IAPP: variants seen among roughly 807,000 people sequenced by gnomAD.
The protein encoded by IAPP is Islet amyloid polypeptide (diabetes-associated peptide; amylin).
A neutral mutation model predicts 2.9 loss-of-function variants in IAPP; 4 were observed. The ratio of observed to expected loss-of-function variants is 1.39; its 90% CI spans 0.69 to 3.19. The LOEUF is 3.19. Ranked by LOEUF, IAPP falls within the 30% of genes most tolerant of loss-of-function variation. The pLI is 0.01. For missense variants in IAPP, 114 were observed against 105.3 expected, an observed-to-expected ratio of 1.08 and a Z score of -0.36; for synonymous variants, 40 against 42.1, an observed-to-expected ratio of 0.95 and a Z score of 0.19.
At position 21,379,109 on chromosome 12, in the gene IAPP, C is replaced by T. The variant is rs1940421456; in HGVS notation, c.*683C>T. On this transcript the variant is annotated 3_prime_UTR_variant, in exon 3 of 3. Coordinates refer to ENST00000240652, the MANE Select transcript of IAPP (RefSeq NM_000415.3). Reference sequence around the variant, plus strand: ...AAGAAAATTAGTAATTGTAAGTACCCCTGATAAGCAAATTAGTAATTGTCA... The same window carrying T: ...AAGAAAATTAGTAATTGTAAGTACCTCTGATAAGCAAATTAGTAATTGTCA... 1 of 152,062 alleles carries T rather than the reference C, an allele frequency of 6.6e-6. No individual in the cohort carries two copies. The highest frequency in any genetic ancestry group is 1.5e-5 in the Non-Finnish European group (1 of 68,010). 9.4% of individuals were successfully genotyped at this position (152,062 alleles called of 1,614,324 possible).
chr12:21,362,780 T>C (rs536063163), intron 1 of IAPP, among the ~76,000 whole-genome samples: 4 of 151,998 alleles, frequency 2.6e-5, no homozygotes, highest in South Asian at 4.2e-4. Context: ...TTTAAACCAA[T>C]AAAGATCAAA....
At chr12:21,364,651 A>T (rs1242437456) in intron 1 of IAPP, among the ~76,000 whole-genome samples, 1 of 152,092 alleles carries the variant, frequency 6.6e-6, no homozygotes, top group Non-Finnish European at 1.5e-5. Flanking sequence ...GAAAACCCCA[A>T]CATCTCAGCC....
intron 1 of IAPP, among the ~76,000 whole-genome samples, chr12:21,367,798 A>T (rs756275354): frequency 2.0e-5 from 3 of 152,118 alleles, no homozygotes; most frequent in Non-Finnish European, 4.4e-5. Flanking sequence ...AACATGGGAT[A>T]ATTTTAATAT....
chr12:21,372,609 C>T (rs1939879870), upstream of IAPP, among the ~76,000 whole-genome samples: 1 of 152,166 alleles, frequency 6.6e-6, no homozygotes, highest in African/African-American at 2.4e-5. Context: ...CTATCAGTTC[C>T]TTACCATAAC....
chr12:21,376,637 T>C (rs537514283), intron 2 of IAPP, among the ~76,000 whole-genome samples: 83 of 151,960 alleles, frequency 5.5e-4, no homozygotes, highest in African/African-American at 2.0e-3. Context: ...TTTCTGTACT[T>C]AGGAAGAAAT....
intron 2 of IAPP, among the ~76,000 whole-genome samples, chr12:21,377,299 A>G (rs1385162837): frequency 1.3e-5 from 2 of 152,218 alleles, no homozygotes; most frequent in African/African-American, 2.4e-5. Flanking sequence ...GCAATAGAGT[A>G]CCTGAACAGG....
In IAPP at chr12:21,363,301, T is replaced by C. The variant is rs573438799; in HGVS notation, c.-16+8288T>C. Among the ~76,000 whole-genome samples, 521 of 152,242 alleles carry C rather than the reference T, an allele frequency of 3.4e-3. 4 individuals carry two copies. Among genetic ancestry groups the C allele is most frequent in the African/African-American group, 0.012 (493 of 41,516 alleles). On this transcript the variant is annotated intron_variant, in intron 1 of 2. Coordinates refer to the IAPP transcript ENST00000539393. The stretch of plus-strand genomic sequence containing the variant: ...AACCTGCTCCTGAATGACTACTGGG[T>C]ACATAACGAAATGAAGGCAGAAATA...
intron 1 of IAPP, among the ~76,000 whole-genome samples, chr12:21,362,408 A>C (rs1466389959): frequency 6.6e-6 from 1 of 152,200 alleles, no homozygotes; most frequent in East Asian, 1.9e-4. Flanking sequence ...AGCACTAAAC[A>C]TGGAAAGGAA....
upstream of IAPP, among the ~76,000 whole-genome samples, chr12:21,368,886 C>A (rs1436055471): frequency 6.6e-6 from 1 of 152,008 alleles, no homozygotes; most frequent in African/African-American, 2.4e-5. Context: ...GAATCTTCTT[C>A]TTCTAATATG....
rs1940353165 is a variant in IAPP, at chr12:21,378,283, C to T, written c.127C>T (p.Gln43Ter). The T allele has an allele frequency of 1.2e-6, 2 of 1,614,212 alleles. No individual in the cohort carries two copies. The highest frequency in any genetic ancestry group is 1.7e-6 in the Non-Finnish European group (2 of 1,180,026). ...RKCNTATCAT[Q>*]RLANFLVHSS... ...ATGCAACACTGCCACATGTGCAACG[C>T]AGCGCCTGGCAAATTTTTTAGTTCA... is the stretch of plus-strand genomic sequence containing the variant. Residue 43 changes from glutamine to a stop codon, truncating the protein, a stop_gained, in exon 3 of 3, where the codon CAG becomes TAG. Coordinates refer to ENST00000240652, the MANE Select transcript of IAPP (RefSeq NM_000415.3). LOFTEE classifies it low-confidence loss of function (END_TRUNC).
intron 1 of IAPP, among the ~76,000 whole-genome samples, chr12:21,367,688 G>A (rs1939493536): frequency 6.6e-6 from 1 of 151,878 alleles, no homozygotes; most frequent in Non-Finnish European, 1.5e-5. Flanking sequence ...CAGCATTTAG[G>A]TTGTTATAAA....
At chr12:21,377,290 C>T (rs1316299991) in intron 2 of IAPP, among the ~76,000 whole-genome samples, 1 of 152,124 alleles carries the variant, frequency 6.6e-6, no homozygotes, top group African/African-American at 2.4e-5. Context: ...TCTCACACTG[C>T]AATAGAGTAC....
At chr12:21,361,663 G>T (rs1938899472) in intron 1 of IAPP, among the ~76,000 whole-genome samples, 1 of 152,122 alleles carries the variant, frequency 6.6e-6, no homozygotes, top group Admixed American at 6.5e-5. Context: ...TAGACGAATG[G>T]CAGTGTAGAG....
rs904280203 is a variant in IAPP at position 21,379,882 on chromosome 12, T to C, written c.*1456T>C. 2 of 152,184 alleles carry C rather than the reference T, an allele frequency of 1.3e-5. No individual in the cohort carries two copies. Among genetic ancestry groups the C allele is most frequent in the African/African-American group, 4.8e-5 (2 of 41,442 alleles). The allele number at this position is 152,184 out of a possible 1,614,324, so 9.4% of individuals were successfully genotyped here. On this transcript the variant is annotated 3_prime_UTR_variant, in exon 3 of 3. Transcript: ENST00000240652. ...GGCTTTCGTTGGTGGTGGTAAGTGG[T>C]AGCGGTAGTGAGTGTATAGAGGCAG...
chr12:21,366,469 C>T (rs1481497195), intron 1 of IAPP, among the ~76,000 whole-genome samples: 1 of 152,036 alleles, frequency 6.6e-6, no homozygotes, highest in Non-Finnish European at 1.5e-5. Flanking sequence ...GGGTGCAGCA[C>T]ACCAACATGG....
Position 21,379,411 on chromosome 12 carries a change from T to C in IAPP, c.*985T>C, listed in dbSNP as rs1940442072. On this transcript the variant is annotated 3_prime_UTR_variant, in exon 3 of 3. Transcript: ENST00000240652. The stretch of plus-strand genomic sequence containing the variant: ...CTTTCAGCAAACCTCAGTCATATTC[T>C]TATGCAGGGTATTGCGAAACAACTT... The C allele has an allele frequency of 6.6e-6, 1 of 152,238 alleles. No homozygotes were observed. Among genetic ancestry groups the C allele is most frequent in the African/African-American group, 2.4e-5 (1 of 41,458 alleles). 9.4% of individuals were successfully genotyped at this position (152,238 alleles called of 1,614,324 possible).
upstream of IAPP, among the ~76,000 whole-genome samples, chr12:21,368,138 G>A (rs376482695): frequency 7.2e-4 from 109 of 152,188 alleles, 2 homozygotes; most frequent in South Asian, 0.022. Flanking sequence ...CCTCATAAAA[G>A]ATATTATGTA....
intron 1 of IAPP, 121 bp downstream of exon 1, chr12:21,373,125 C>G: frequency 1.8e-6 from 1 of 570,002 alleles, no homozygotes; most frequent in Non-Finnish European, 3.1e-6. Context: ...TATAAATGTT[C>G]AGATTGCTTA....
At chr12:21,378,073 A>G (rs940380781) in intron 2 of IAPP, among the ~76,000 whole-genome samples, 164 bp from the exon 3 acceptor site, 14 of 151,996 alleles carry the variant, frequency 9.2e-5, no homozygotes, top group African/African-American at 3.4e-4. Context: ...CAAGGTGTCA[A>G]AAAAAAATCT....
Sources: gnomAD v4.1 joint callset for allele counts (sites outside exome capture counted in the v4.1 genomes callset) on GRCh38, gnomAD v4.1.1 for gene constraint, MANE v1.5 for transcripts, NCBI Gene and HGNC (gene_info 2026-07-23, HGNC 2026-07-21) for gene names.